CDC42BPA: variants seen among roughly 807,000 people sequenced by gnomAD.
CDC42BPA encodes the protein serine/threonine-protein kinase MRCK alpha.
In CDC42BPA, 80 loss-of-function variants were observed where a neutral mutation model predicts 223.5. The ratio of observed to expected loss-of-function variants is 0.36; its 90% confidence interval spans 0.30 to 0.43. The LOEUF (loss-of-function observed/expected upper bound fraction) is 0.43, where lower values mean the gene tolerates loss of function less well. CDC42BPA is among the 20% of genes least tolerant of loss of function. The pLI is 1.00. For missense variants in CDC42BPA, 1,743 were observed against 2,099.9 expected (o/e 0.83, Z 3.32); for synonymous variants, 694 against 718.6 (o/e 0.97, Z 0.55).
intron 1 of CDC42BPA, among the ~76,000 whole-genome samples, chr1:227,305,605 A>G (rs952737451): frequency 6.6e-6 from 1 of 152,322 alleles, no homozygotes; most frequent in South Asian, 2.1e-4. Flanking sequence ...ATATACTTCA[A>G]GGATTATGAA....
intron 29 of CDC42BPA, among the ~76,000 whole-genome samples, chr1:227,029,770 G>T (rs954854642): frequency 6.6e-6 from 1 of 152,090 alleles, no homozygotes; most frequent in African/African-American, 2.4e-5. Flanking sequence ...AATAGCTGTT[G>T]CCTCTTCTGG....
At chr1:227,267,489 T>G (rs903046641) in intron 1 of CDC42BPA, among the ~76,000 whole-genome samples, 6 of 152,332 alleles carry the variant, frequency 3.9e-5, no homozygotes, top group African/African-American at 1.4e-4. Context: ...CACATAGATG[T>G]TATCAGATAA....
intron 14 of CDC42BPA, among the ~76,000 whole-genome samples, chr1:227,109,304 A>G (rs891466693): frequency 6.6e-6 from 1 of 152,214 alleles, no homozygotes; most frequent in Admixed American, 6.5e-5. Flanking sequence ...TTACTATTTT[A>G]AAACTTTCTG....
At chr1:227,198,887 A>G (rs1671239516) in intron 4 of CDC42BPA, among the ~76,000 whole-genome samples, 2 of 151,970 alleles carry the variant, frequency 1.3e-5, no homozygotes, top group South Asian at 4.2e-4. Context: ...AGCTGGGACT[A>G]CAGGTGCCCA....
chr1:227,088,639 A>G (rs909318775), intron 16 of CDC42BPA, among the ~76,000 whole-genome samples: 18 of 152,202 alleles, frequency 1.2e-4, no homozygotes, highest in African/African-American at 4.1e-4. Context: ...GTAAACAATT[A>G]ATTTTACTCA....
intron 2 of CDC42BPA, among the ~76,000 whole-genome samples, chr1:227,225,598 T>C (rs529417590): frequency 6.6e-6 from 1 of 152,294 alleles, no homozygotes; most frequent in Admixed American, 6.5e-5. Context: ...CATCTCCCCA[T>C]TAGAACAATA....
At chr1:227,149,496 A>C (rs902257066) in intron 6 of CDC42BPA, among the ~76,000 whole-genome samples, 16 of 152,204 alleles carry the variant, frequency 1.1e-4, no homozygotes, top group African/African-American at 3.9e-4. Flanking sequence ...AAATCCCAAC[A>C]AACAGAACAA....
intron 10 of CDC42BPA, among the ~76,000 whole-genome samples, chr1:227,133,019 C>A (rs1243377116): frequency 2.6e-5 from 4 of 151,728 alleles, no homozygotes; most frequent in Admixed American, 2.6e-4. Context: ...GCCCGGCAGC[C>A]ACCCCGTCCG....
chr1:227,005,869 CA>C (rs1663917776), intron 34 of CDC42BPA, among the ~76,000 whole-genome samples: 1 of 152,128 alleles, frequency 6.6e-6, no homozygotes, highest in Non-Finnish European at 1.5e-5. Flanking sequence ...GAATGTTTTG[CA>C]AATCACACAC....
chr1:227,004,317 T>TG (rs1184621110), intron 35 of CDC42BPA: 1 of 152,354 alleles, frequency 6.6e-6, no homozygotes, highest in African/African-American at 2.4e-5. Context: ...AAGCCCTCAT[T>TG]GGTTTCCATT....
intron 23 of CDC42BPA, among the ~76,000 whole-genome samples, chr1:227,045,182 G>C (rs1237744995): frequency 6.6e-6 from 1 of 152,128 alleles, no homozygotes; most frequent in Non-Finnish European, 1.5e-5. Context: ...TAGCACATGG[G>C]TGATAAAAAT....
At chr1:227,193,627 A>G (rs1670149832) in intron 5 of CDC42BPA, 159 bp downstream of exon 5, 1 of 557,522 alleles carries the variant, frequency 1.8e-6, no homozygotes, top group Non-Finnish European at 3.0e-6. Flanking sequence ...AATAATAACA[A>G]CAACAAAGCA....
At chr1:227,010,659 C>T (rs753565312) in intron 34 of CDC42BPA, among the ~76,000 whole-genome samples, 2 of 152,094 alleles carry the variant, frequency 1.3e-5, no homozygotes, top group East Asian at 1.9e-4. Context: ...CTTCCCTATT[C>T]CTCCATCTTC....
At chr1:227,179,493 G>A (rs529959023) in intron 5 of CDC42BPA, among the ~76,000 whole-genome samples, 14 of 151,648 alleles carry the variant, frequency 9.2e-5, no homozygotes, top group Middle Eastern at 3.4e-3. Context: ...AAAATTAGCC[G>A]GGCGTGGTGG....
At chr1:227,108,834 G>A (rs1037849124) in intron 14 of CDC42BPA, among the ~76,000 whole-genome samples, 11 of 152,080 alleles carry the variant, frequency 7.2e-5, no homozygotes, top group Non-Finnish European at 8.8e-5. Flanking sequence ...GTGAACATAA[G>A]TTGTACTTCC....
intron 1 of CDC42BPA, among the ~76,000 whole-genome samples, chr1:227,269,528 G>A (rs1685622084): frequency 1.3e-5 from 2 of 152,108 alleles, no homozygotes; most frequent in Non-Finnish European, 2.9e-5. Flanking sequence ...TTATCTATAT[G>A]AAAACTTAAG....
At chr1:227,097,718 T>G (rs1357567109) in intron 15 of CDC42BPA, among the ~76,000 whole-genome samples, 2 of 152,154 alleles carry the variant, frequency 1.3e-5, no homozygotes, top group East Asian at 3.9e-4. Flanking sequence ...CATATGACCT[T>G]CTTCTAGGAG....
intron 21 of CDC42BPA, among the ~76,000 whole-genome samples, chr1:227,062,281 T>C (rs1033302098): frequency 1.3e-5 from 2 of 152,214 alleles, no homozygotes; most frequent in Non-Finnish European, 1.5e-5. Context: ...GTCTAGAATA[T>C]ACTCCTCTTA....
chr1:227,283,394 T>C (rs1572851228), intron 1 of CDC42BPA, among the ~76,000 whole-genome samples: 1 of 152,242 alleles, frequency 6.6e-6, no homozygotes. Context: ...CCTATGAAAA[T>C]ACTATGATAA....
Sources: allele counts gnomAD v4.1 joint callset (sites outside exome capture counted in the v4.1 genomes callset), GRCh38; gene constraint gnomAD v4.1.1; transcripts MANE v1.5; gene names NCBI Gene and HGNC (gene_info 2026-07-23, HGNC 2026-07-21).